Variants in SYCP2L observed in about 807,000 individuals in gnomAD.
The protein encoded by SYCP2L is synaptonemal complex protein 2 like, also known as synaptonemal complex protein 2-like.
A neutral mutation model predicts 125.8 loss-of-function variants in SYCP2L; 98 were observed. That is an observed-to-expected ratio of 0.78 (90% CI 0.66 to 0.92). The LOEUF (loss-of-function observed/expected upper bound fraction) is 0.92. SYCP2L is among the 40% of genes least tolerant of loss of function. The pLI is 0.00. For missense variants in SYCP2L, 842 were observed against 936.4 expected, an observed-to-expected ratio of 0.90 and a Z score of 1.32; for synonymous variants, 317 against 325.4, an observed-to-expected ratio of 0.97 and a Z score of 0.28.
At chr6:10,956,095 A>G (rs771345623) in intron 24 of SYCP2L, 41 bp from the exon 25 acceptor site, 8 of 1,503,138 alleles carry the variant, frequency 5.3e-6, no homozygotes, top group South Asian at 2.3e-5. Context: ...TACTTTGAAC[A>G]CTTTGTTAGT....
intron 8 of SYCP2L, 45 bp downstream of exon 8, chr6:10,903,008 C>G: frequency 1.3e-6 from 2 of 1,492,832 alleles, no homozygotes; most frequent in African/African-American, 1.4e-5. Context: ...AGGGTAAAAT[C>G]TCTCATGAGT....
chr6:10,954,213 T>C lies in SYCP2L; in HGVS notation c.1955-903T>C, dbSNP rs910104940. 5.3e-5 allele frequency among the ~76,000 whole-genome samples: 8 copies of C among 151,986 alleles called. No homozygotes were observed. The highest frequency in any genetic ancestry group is 1.9e-4 in the African/African-American group (8 of 41,376). ...AGTCAGATGATGTCACAACTAAAGG[T>C]ACAGTGCGGGGGAGAGAGTGGTTTT... is the stretch of plus-strand genomic sequence containing the variant. On this transcript the variant is annotated intron_variant, in intron 23 of 29. Coordinates refer to ENST00000283141, the MANE Select transcript of SYCP2L (RefSeq NM_001040274.3). The surrounding 1 kb of genome is among the most constrained non-coding windows in gnomAD (Gnocchi z 4.8).
intron 4 of SYCP2L, 61 bp from the exon 5 acceptor site, chr6:10,897,949 GC>G: frequency 9.5e-7 from 1 of 1,053,076 alleles, no homozygotes. Flanking sequence ...ATTGTCTTGT[GC>G]AATTTTATTG....
chr6:10,903,749 T>C (rs1020807150), intron 8 of SYCP2L, among the ~76,000 whole-genome samples: 1 of 151,796 alleles, frequency 6.6e-6, no homozygotes, highest in Non-Finnish European at 1.5e-5. Flanking sequence ...AGACTCTGTC[T>C]CAAAAAAATA....
At chr6:10,923,606 A>G (rs1225762) in intron 14 of SYCP2L, among the ~76,000 whole-genome samples, 70,250 of 150,182 alleles carry the variant, frequency 0.47, 16,587 homozygotes, top group Middle Eastern at 0.63. Flanking sequence ...GGCTGGTTTC[A>G]AACTCCTGAC....
At chr6:10,957,773 T>TG (rs1781524495) in intron 25 of SYCP2L, among the ~76,000 whole-genome samples, 1 of 152,166 alleles carries the variant, frequency 6.6e-6, no homozygotes, top group African/African-American at 2.4e-5. Flanking sequence ...GCTATGATCA[T>TG]GCCGCTGTGC....
In SYCP2L at chr6:10,924,593, G is replaced by A. The variant is rs762205834; in HGVS notation, c.1170G>A (p.Gln390=). The change falls in exon 15 of 30, where the codon CAG becomes CAA. Residue 390 remains glutamine, a synonymous_variant. Transcript: ENST00000283141. ...AAATAGAAATCCATTTTGATTTGCAGTTCAACATATCACAAGTTTCCATTC... is the reference window on the plus strand; with the variant it reads ...AAATAGAAATCCATTTTGATTTGCAATTCAACATATCACAAGTTTCCATTC... ...VMKIEIHFDL[Q]FNISQVSIQA... 8.7e-6 allele frequency: 14 copies of A among 1,604,402 alleles called. No homozygotes were observed. The highest frequency in any genetic ancestry group is 1.2e-5 in the Non-Finnish European group (14 of 1,177,484).
intron 18 of SYCP2L, chr6:10,930,068 G>C (rs1357186458): frequency 5.4e-6 from 1 of 184,278 alleles, no homozygotes; most frequent in African/African-American, 2.3e-5. Flanking sequence ...GTATTTTCAA[G>C]TAGTATTAGG....
intron 1 of SYCP2L, among the ~76,000 whole-genome samples, chr6:10,887,532 A>T (rs573924406): frequency 7.2e-4 from 109 of 152,290 alleles, no homozygotes; most frequent in Admixed American, 1.6e-3. Flanking sequence ...CGAACGACAA[A>T]GGACAGCCCC....
chr6:10,960,743 C>T (rs1023358880), intron 26 of SYCP2L, among the ~76,000 whole-genome samples: 1 of 149,632 alleles, frequency 6.7e-6, no homozygotes, highest in African/African-American at 2.6e-5. Flanking sequence ...CTTTTGTTCT[C>T]TACTAAAAAA....
chr6:10,910,043 C>CT (rs532170266), intron 10 of SYCP2L, 105 bp from the exon 11 acceptor site: 529 of 832,958 alleles, frequency 6.4e-4, no homozygotes, highest in Non-Finnish European at 8.9e-4. Context: ...ATGTTACTGC[C>CT]TCCTGGTCAT....
chr6:10,956,706 A>G (rs1024432865), intron 25 of SYCP2L, among the ~76,000 whole-genome samples: 3 of 152,036 alleles, frequency 2.0e-5, no homozygotes, highest in African/African-American at 4.8e-5. Context: ...CAAGTGATCC[A>G]CCTGCCTCGG....
chr6:10,912,629 A>G lies in SYCP2L; in HGVS notation c.919-44A>G, dbSNP rs1332023032. On this transcript the variant is annotated intron_variant, in intron 12 of 29. Coordinates refer to ENST00000283141, the MANE Select transcript of SYCP2L (RefSeq NM_001040274.3). The surrounding 1 kb of genome is among the most constrained non-coding windows in gnomAD (Gnocchi z 4.1). Reference sequence around the variant, plus strand: ...AATAATGTTTATCTGACCCTATAGCATGATTTTTATGTGTATAAGTCATGC... The same window carrying G: ...AATAATGTTTATCTGACCCTATAGCGTGATTTTTATGTGTATAAGTCATGC... 3 of 1,399,172 alleles carry G rather than the reference A, an allele frequency of 2.1e-6. No homozygotes were observed. Among genetic ancestry groups the G allele is most frequent in the Admixed American group, 1.7e-5 (1 of 57,842 alleles). 86.7% of individuals were successfully genotyped at this position (1,399,172 alleles called of 1,614,324 possible). A position where few individuals can be genotyped will look rare whatever the true frequency, so the allele number is the denominator to read the frequency against.
chr6:10,949,069 CA>C (rs1241721151), intron 23 of SYCP2L, among the ~76,000 whole-genome samples: 1 of 152,082 alleles, frequency 6.6e-6, no homozygotes, highest in Non-Finnish European at 1.5e-5. Flanking sequence ...CCACCTAACT[CA>C]TCTTTTAAAG....
At chr6:10,892,249 C>T (rs569444841) in intron 2 of SYCP2L, among the ~76,000 whole-genome samples, 39 of 152,300 alleles carry the variant, frequency 2.6e-4, no homozygotes, top group African/African-American at 3.8e-4. Flanking sequence ...CCACGTTCTG[C>T]GGACTAAAGC....
intron 14 of SYCP2L, among the ~76,000 whole-genome samples, chr6:10,920,104 A>G (rs1780767838): frequency 6.6e-6 from 1 of 152,210 alleles, no homozygotes; most frequent in Admixed American, 6.5e-5. Flanking sequence ...CATCGTGGGC[A>G]GAACTAGGTT....
intron 16 of SYCP2L, 94 bp from the exon 17 acceptor site, chr6:10,927,146 G>A: frequency 5.2e-6 from 8 of 1,536,290 alleles, no homozygotes; most frequent in Non-Finnish European, 7.0e-6. Flanking sequence ...CCAAAGGATG[G>A]AGAGGTACCA....
At chr6:10,952,842 C>G (rs935839066) in intron 23 of SYCP2L, among the ~76,000 whole-genome samples, 2 of 152,036 alleles carry the variant, frequency 1.3e-5, no homozygotes, top group African/African-American at 4.8e-5. Context: ...CGGGATCCCC[C>G]CAGAAAATAT....
Position 10,902,705 on chromosome 6 carries a change from A to T in SYCP2L, c.495A>T (p.Leu165=), listed in dbSNP as rs376294242. ...AAATTCAGATGTTGGATTCCTTCCT[A>T]CTTAGCTTAGGATTCCTGGTGACAG... ...EGKIQMLDSF[L]LSLGFLVTEK... The change falls in exon 7 of 30, where the codon CTA becomes CTT. Residue 165 remains leucine (L), a synonymous_variant. Coordinates refer to ENST00000283141, the MANE Select transcript of SYCP2L (RefSeq NM_001040274.3). The T allele has an allele frequency of 3.0e-5, 48 of 1,613,862 alleles. No homozygotes were observed. The highest frequency in any genetic ancestry group is 3.1e-5 in the Non-Finnish European group (36 of 1,179,962).
Sources: allele counts gnomAD v4.1 joint callset (sites outside exome capture counted in the v4.1 genomes callset), GRCh38; gene constraint gnomAD v4.1.1; non-coding constraint Gnocchi (gnomAD v3.1); transcripts MANE v1.5; gene names NCBI Gene and HGNC (gene_info 2026-07-23, HGNC 2026-07-21).